Variants in UNC13C observed in about 807,000 individuals in gnomAD.
UNC13C encodes unc-13 homolog C, also known as protein unc-13 homolog C.
A neutral mutation model predicts 245.4 loss-of-function variants in UNC13C; 174 were observed. The observed-to-expected ratio is 0.71, with a 90% CI of 0.63 to 0.80. The LOEUF (loss-of-function observed/expected upper bound fraction) is 0.80. UNC13C is among the 30% of genes least tolerant of loss of function. The probability of loss-of-function intolerance (pLI) is 0.00; values close to 1 mark genes in which losing one functional copy is unlikely to be tolerated. For synonymous variants in UNC13C, 992 were observed against 895.1 expected (o/e 1.11, Z -1.93); for missense variants, 2,829 against 2,602.9 (o/e 1.09, Z -1.89).
chr15:54,528,310 G>A (rs1274409909), intron 25 of UNC13C, among the ~76,000 whole-genome samples: 3 of 133,240 alleles, frequency 2.3e-5, no homozygotes, highest in African/African-American at 8.2e-5. Flanking sequence ...TTGGTTTTTG[G>A]TTTGCTCCTT....
intron 17 of UNC13C, among the ~76,000 whole-genome samples, chr15:54,348,155 C>T (rs1273917252): frequency 6.6e-6 from 1 of 152,134 alleles, no homozygotes; most frequent in Admixed American, 6.5e-5. Context: ...CAGCAATTTA[C>T]ACATCAATTC....
intron 7 of UNC13C, among the ~76,000 whole-genome samples, chr15:54,243,448 G>T (rs978313384): frequency 6.6e-6 from 1 of 152,096 alleles, no homozygotes; most frequent in African/African-American, 2.4e-5. Context: ...ATGAACATCT[G>T]CATGCATGTA....
At chr15:54,550,957 C>T (rs1242969089) in intron 28 of UNC13C, among the ~76,000 whole-genome samples, 1 of 152,164 alleles carries the variant, frequency 6.6e-6, no homozygotes, top group Non-Finnish European at 1.5e-5. Flanking sequence ...TGTTAGTAAG[C>T]ACACTGCATC....
At chr15:53,913,253 A>G in the UNC13C span, 5 of 152,248 alleles carry the variant, frequency 3.3e-5, no homozygotes, top group Non-Finnish European at 7.3e-5. Flanking sequence ...GCTATTCAGC[A>G]AGCACAAGCC....
chr15:54,381,377 T>C (rs1045955960), intron 17 of UNC13C, among the ~76,000 whole-genome samples: 1 of 152,148 alleles, frequency 6.6e-6, no homozygotes, highest in Non-Finnish European at 1.5e-5. Context: ...TGAAGTCAGG[T>C]AGTGTGATGC....
At chr15:53,934,889 G>A in the UNC13C span, among the ~76,000 whole-genome samples, 2 of 152,090 alleles carry the variant, frequency 1.3e-5, no homozygotes, top group Admixed American at 6.6e-5. Flanking sequence ...CCACCCTTAC[G>A]ATCCAGTCAA....
intron 30 of UNC13C, among the ~76,000 whole-genome samples, chr15:54,605,253 G>C (rs1899702287): frequency 6.6e-6 from 1 of 152,174 alleles, no homozygotes; most frequent in South Asian, 2.1e-4. Flanking sequence ...AGACAGCTGA[G>C]TTCTAAGAGG....
the UNC13C span, among the ~76,000 whole-genome samples, chr15:53,872,511 T>C: frequency 6.6e-6 from 1 of 152,178 alleles, no homozygotes; most frequent in South Asian, 2.1e-4. Flanking sequence ...GCATGTAAAA[T>C]GCCACTGCTG....
At chr15:54,077,527 C>T (rs937895116) in intron 2 of UNC13C, among the ~76,000 whole-genome samples, 3 of 151,424 alleles carry the variant, frequency 2.0e-5, no homozygotes, top group African/African-American at 4.9e-5. Flanking sequence ...TACAGGCATG[C>T]ACCACCACGC....
At chr15:53,920,235 C>T in the UNC13C span, among the ~76,000 whole-genome samples, 1 of 152,054 alleles carries the variant, frequency 6.6e-6, no homozygotes, top group Non-Finnish European at 1.5e-5. Flanking sequence ...CACACAAAAC[C>T]TCTTTCCCTT....
intron 17 of UNC13C, among the ~76,000 whole-genome samples, chr15:54,349,783 T>C (rs145020166): frequency 2.2e-4 from 33 of 152,302 alleles, no homozygotes; most frequent in African/African-American, 7.5e-4. Flanking sequence ...TAGCATTGTT[T>C]GTGAGACTGA....
rs75402618 is a variant in UNC13C, at chr15:54,137,731, G to C, written c.2984-5287G>C. On this transcript the variant is annotated intron_variant, in intron 2 of 32. Transcript: ENST00000260323. ...TTCCCTTATTTTCTTGGTGAGTCTA[G>C]CTAAGAGTTTGACAATTTTGTTTAT... Among the ~76,000 whole-genome samples, 1,130 of 151,728 alleles carry C rather than the reference G, an allele frequency of 7.4e-3. 12 individuals are homozygous for C. The highest frequency in any genetic ancestry group is 0.026 in the African/African-American group (1,072 of 41,354).
At position 54,399,719 on chromosome 15, in the gene UNC13C, C is replaced by T. The variant is rs374720574; in HGVS notation, c.4847+6538C>T. On this transcript the variant is annotated intron_variant, in intron 18 of 32. Coordinates refer to ENST00000260323, the MANE Select transcript of UNC13C (RefSeq NM_001080534.3). ...TAAAATCTGCCTATTTTTCCCCTCT[C>T]GGGGTTATGTGATGAGCCAGAACAT... Among the ~76,000 whole-genome samples the T allele has an allele frequency of 2.9e-3, 442 of 151,830 alleles. 2 individuals carry two copies. The highest frequency in any genetic ancestry group is 6.3e-3 in the South Asian group (30 of 4,788).
At chr15:54,220,157 T>A (rs1000874062) in intron 4 of UNC13C, among the ~76,000 whole-genome samples, 7 of 151,518 alleles carry the variant, frequency 4.6e-5, no homozygotes, top group Middle Eastern at 3.4e-3. Flanking sequence ...GTATGTTTAC[T>A]GCGGCACTAT....
chr15:54,265,102 T>C (rs1363824087), intron 9 of UNC13C, among the ~76,000 whole-genome samples: 1 of 152,034 alleles, frequency 6.6e-6, no homozygotes, highest in East Asian at 1.9e-4. Flanking sequence ...TATGAGTATA[T>C]AGCTAATATG....
At chr15:54,553,289 ATATTGTATT>A (rs1896937041) in intron 28 of UNC13C, among the ~76,000 whole-genome samples, 2 of 116,338 alleles carry the variant, frequency 1.7e-5, no homozygotes, top group Non-Finnish European at 3.3e-5. Context: ...AGAATATTAT[ATATTGTATT>A]CTATATTACA....
chr15:54,335,878 C>T (rs1050825292), intron 16 of UNC13C, among the ~76,000 whole-genome samples: 7 of 152,082 alleles, frequency 4.6e-5, no homozygotes, highest in African/African-American at 7.2e-5. Context: ...GTTAAATCCT[C>T]AGCAGCAGTG....
chr15:54,569,204 C>A (rs1408304143), intron 30 of UNC13C, among the ~76,000 whole-genome samples: 3 of 151,832 alleles, frequency 2.0e-5, no homozygotes, highest in Non-Finnish European at 2.9e-5. Flanking sequence ...TGTGTACACC[C>A]CCCCCTCCAA....
chr15:54,570,358 T>TA (rs1897701221), intron 30 of UNC13C, among the ~76,000 whole-genome samples: 2 of 152,260 alleles, frequency 1.3e-5, no homozygotes, highest in African/African-American at 4.8e-5. Flanking sequence ...ACAAAACTCA[T>TA]ACATTTTTTT....
Sources: gnomAD v4.1 joint callset for allele counts (sites outside exome capture counted in the v4.1 genomes callset) on GRCh38, gnomAD v4.1.1 for gene constraint, MANE v1.5 for transcripts, NCBI Gene and HGNC (gene_info 2026-07-23, HGNC 2026-07-21) for gene names.